The following KCNJ6 variants were observed in gnomAD, a reference collection of about 807,000 sequenced individuals.
KCNJ6 encodes the protein G protein-activated inward rectifier potassium channel 2.
KCNJ6 carries 9 observed loss-of-function variants against 34.2 expected under a neutral mutation model. That is an observed-to-expected ratio of 0.26 (90% CI 0.16 to 0.46). KCNJ6 has a LOEUF of 0.46. Among genes scored for constraint, KCNJ6 ranks in the 20% least tolerant of loss-of-function variants. The probability of loss-of-function intolerance (pLI) is 1.00; values close to 1 mark genes in which losing one functional copy is unlikely to be tolerated. For synonymous variants in KCNJ6, 196 were observed against 207.1 expected (o/e 0.95, Z 0.46); for missense variants, 236 against 531.3 (o/e 0.44, Z 5.46).
chr21:37,759,219 T>A (rs1409191999), intron 2 of KCNJ6, among the ~76,000 whole-genome samples: 2 of 152,214 alleles, frequency 1.3e-5, no homozygotes, highest in African/African-American at 4.8e-5. Flanking sequence ...TCTGTCCTAC[T>A]CTCGCCAGCT....
chr21:37,658,962 AT>A (rs568772485), intron 3 of KCNJ6, among the ~76,000 whole-genome samples: 230 of 152,328 alleles, frequency 1.5e-3, no homozygotes, highest in African/African-American at 5.2e-3. Context: ...CAAATGATTA[AT>A]TTGTTTTCAG....
At chr21:37,804,540 C>T (rs537312699) in intron 2 of KCNJ6, among the ~76,000 whole-genome samples, 138 of 152,018 alleles carry the variant, frequency 9.1e-4, no homozygotes, top group African/African-American at 3.2e-3. Flanking sequence ...AGCCTAGTAC[C>T]CATTAGTTAT....
At chr21:37,741,246 T>C (rs1454489306) in intron 2 of KCNJ6, among the ~76,000 whole-genome samples, 1 of 152,200 alleles carries the variant, frequency 6.6e-6, no homozygotes, top group Non-Finnish European at 1.5e-5. Flanking sequence ...ATATTCTCCA[T>C]CTGTCCCTGA....
chr21:37,898,593 AAAAAAAAAG>A (rs1310475550), intron 1 of KCNJ6, among the ~76,000 whole-genome samples: 1 of 151,830 alleles, frequency 6.6e-6, no homozygotes, highest in African/African-American at 2.4e-5. Context: ...AAAAGAAAAA[AAAAAAAAAG>A]AAAAAAAGAA....
chr21:37,818,649 T>A (rs534477575), intron 2 of KCNJ6, among the ~76,000 whole-genome samples: 1 of 152,342 alleles, frequency 6.6e-6, no homozygotes, highest in South Asian at 2.1e-4. Flanking sequence ...GCCTTTCAGG[T>A]TTCTTATGTT....
chr21:37,756,551 A>G (rs1027211069), intron 2 of KCNJ6, among the ~76,000 whole-genome samples: 3 of 152,204 alleles, frequency 2.0e-5, no homozygotes, highest in Non-Finnish European at 2.9e-5. Context: ...CTGCTTTGCA[A>G]CTGTGAACCC....
intron 2 of KCNJ6, among the ~76,000 whole-genome samples, chr21:37,747,648 CGA>C (rs998296822): frequency 1.3e-5 from 2 of 151,450 alleles, no homozygotes; most frequent in Admixed American, 6.6e-5. Context: ...AGAGGGAGAA[CGA>C]GAGAGATGGC....
At chr21:37,647,606 C>A (rs1332956678) in intron 3 of KCNJ6, among the ~76,000 whole-genome samples, 1 of 152,160 alleles carries the variant, frequency 6.6e-6, no homozygotes, top group Non-Finnish European at 1.5e-5. Flanking sequence ...TAATCCCCCC[C>A]AGAGTTAGGC....
chr21:37,761,846 G>A (rs1178781374), intron 2 of KCNJ6, among the ~76,000 whole-genome samples: 1 of 152,076 alleles, frequency 6.6e-6, no homozygotes, highest in Non-Finnish European at 1.5e-5. Flanking sequence ...GCGTGTCTGT[G>A]TGCGGTGCAT....
At chr21:37,913,859 T>C (rs1395569172) in intron 1 of KCNJ6, among the ~76,000 whole-genome samples, 1 of 152,084 alleles carries the variant, frequency 6.6e-6, no homozygotes, top group Admixed American at 6.5e-5. Context: ...GGCTGGCCTC[T>C]CGCTGACCAG....
intron 2 of KCNJ6, among the ~76,000 whole-genome samples, chr21:37,733,099 G>A (rs2054894415): frequency 6.6e-6 from 1 of 152,182 alleles, no homozygotes; most frequent in Non-Finnish European, 1.5e-5. Flanking sequence ...CTTTGTGCTT[G>A]CAGTTAAGTG....
At chr21:37,682,153 C>A (rs1211715022) in intron 3 of KCNJ6, among the ~76,000 whole-genome samples, 2 of 152,166 alleles carry the variant, frequency 1.3e-5, no homozygotes, top group Non-Finnish European at 2.9e-5. Flanking sequence ...CAAATTACCA[C>A]AAACTTGGAG....
At chr21:37,769,276 T>C (rs1275001625) in intron 2 of KCNJ6, among the ~76,000 whole-genome samples, 1 of 152,126 alleles carries the variant, frequency 6.6e-6, no homozygotes, top group Admixed American at 6.6e-5. Context: ...AGGTGGCTAA[T>C]GTGTGTATGC....
chr21:37,633,055 G>A (rs2054340931), intron 3 of KCNJ6, among the ~76,000 whole-genome samples: 1 of 152,116 alleles, frequency 6.6e-6, no homozygotes, highest in South Asian at 2.1e-4. Context: ...GAGAACACAA[G>A]CCCATATTAT....
chr21:37,857,877 G>T (rs1411854422), intron 1 of KCNJ6, among the ~76,000 whole-genome samples: 1 of 152,152 alleles, frequency 6.6e-6, no homozygotes, highest in Non-Finnish European at 1.5e-5. Context: ...TATTGAAATA[G>T]AGGCCATATT....
chr21:37,772,330 T>G (rs2055121524), intron 2 of KCNJ6, among the ~76,000 whole-genome samples: 3 of 152,164 alleles, frequency 2.0e-5, no homozygotes, highest in African/African-American at 7.2e-5. Context: ...TCTTCTAGTT[T>G]GCTTATTTAG....
chr21:37,608,610 T>C lies in KCNJ6; in HGVS notation c.*16549A>G, dbSNP rs941623396. Reference sequence around the variant, plus strand: ...GCAAATTTGTTGTGCCTGTCCCTCTTCGTTTAGGTATTTCTAAAACTAGAC... The same window carrying C: ...GCAAATTTGTTGTGCCTGTCCCTCTCCGTTTAGGTATTTCTAAAACTAGAC... On this transcript the variant is annotated 3_prime_UTR_variant, in exon 4 of 4. Coordinates refer to ENST00000609713, the MANE Select transcript of KCNJ6 (RefSeq NM_002240.5). 1.3e-5 allele frequency: 2 copies of C among 152,254 alleles called. No homozygotes were observed. Among genetic ancestry groups the C allele is most frequent in the African/African-American group, 4.8e-5 (2 of 41,460 alleles). The allele number at this position is 152,254 out of a possible 1,614,324, so 9.4% of individuals were successfully genotyped here. A position where few individuals can be genotyped will look rare whatever the true frequency, so the allele number is the denominator to read the frequency against.
intron 1 of KCNJ6, among the ~76,000 whole-genome samples, chr21:37,883,529 C>G (rs2055720410): frequency 6.6e-6 from 1 of 152,168 alleles, no homozygotes; most frequent in Non-Finnish European, 1.5e-5. Flanking sequence ...CACCTAGTGC[C>G]AGGTGGGACA....
At position 37,609,345 on chromosome 21, in the gene KCNJ6, A is replaced by G. The variant is rs1363577391; in HGVS notation, c.*15814T>C. The G allele has an allele frequency of 1.3e-5, 2 of 152,234 alleles. No individual in the cohort carries two copies. The highest frequency in any genetic ancestry group is 2.9e-5 in the Non-Finnish European group (2 of 68,046). The allele number at this position is 152,234 out of a possible 1,614,324, so 9.4% of individuals were successfully genotyped here. ...CATAGAAACATGAATGTCCACAAAC[A>G]TGCAACCCCCAAACTAGATGCAGTC... is the stretch of plus-strand genomic sequence containing the variant. On this transcript the variant is annotated 3_prime_UTR_variant, in exon 4 of 4. Transcript: ENST00000609713.
Sources: allele counts gnomAD v4.1 joint callset (sites outside exome capture counted in the v4.1 genomes callset), GRCh38; gene constraint gnomAD v4.1.1; transcripts MANE v1.5; gene names NCBI Gene and HGNC (gene_info 2026-07-23, HGNC 2026-07-21).